DNM3: variants seen among roughly 807,000 people sequenced by gnomAD.
DNM3 encodes dynamin-3.
A neutral mutation model predicts 101.6 loss-of-function variants in DNM3; 47 were observed. The ratio of observed to expected loss-of-function variants is 0.46; its 90% confidence interval spans 0.37 to 0.59. The LOEUF (loss-of-function observed/expected upper bound fraction) is 0.59, where lower values mean the gene tolerates loss of function less well. Ranked by LOEUF, DNM3 falls within the 20% of genes least tolerant of loss-of-function variation. DNM3 has a pLI of 0.00. For missense variants in DNM3, 849 were observed against 1,085.7 expected (o/e 0.78, Z 3.06); for synonymous variants, 385 against 387.9 (o/e 0.99, Z 0.09).
intron 1 of DNM3, among the ~76,000 whole-genome samples, chr1:171,860,332 C>A (rs1014552033): frequency 3.3e-5 from 5 of 152,130 alleles, no homozygotes; most frequent in African/African-American, 1.2e-4. Context: ...TCAGGTATTT[C>A]TGATAAAAAT....
intron 15 of DNM3, among the ~76,000 whole-genome samples, chr1:172,265,144 G>A (rs2062810111): frequency 2.0e-5 from 3 of 151,876 alleles, no homozygotes; most frequent in Admixed American, 6.6e-5. Flanking sequence ...TTATTCCTAA[G>A]AGCTCATTCA....
chr1:172,398,270 C>T (rs16844368), intron 20 of DNM3, among the ~76,000 whole-genome samples: 2,523 of 152,268 alleles, frequency 0.017, 72 homozygotes, highest in African/African-American at 0.057. Context: ...ATGATCCCTA[C>T]GCCCAATTAT....
intron 14 of DNM3, among the ~76,000 whole-genome samples, chr1:172,245,013 G>T (rs10911371): frequency 0.013 from 1,916 of 152,212 alleles, 38 homozygotes; most frequent in African/African-American, 0.043. Context: ...TTTGATTATT[G>T]TATGAGTCAG....
chr1:171,916,748 G>C (rs1005453512), intron 1 of DNM3, among the ~76,000 whole-genome samples: 1 of 152,020 alleles, frequency 6.6e-6, no homozygotes, highest in African/African-American at 2.4e-5. Flanking sequence ...ACTCTATAGC[G>C]CCTTCCTGTT....
chr1:172,046,085 G>T (rs1308319486), intron 9 of DNM3, among the ~76,000 whole-genome samples: 2 of 152,098 alleles, frequency 1.3e-5, no homozygotes, highest in African/African-American at 4.8e-5. Context: ...AAATCACGCT[G>T]CTATAAAGAC....
At chr1:172,288,768 G>A (rs2063793064) in intron 15 of DNM3, among the ~76,000 whole-genome samples, 1 of 152,092 alleles carries the variant, frequency 6.6e-6, no homozygotes, top group African/African-American at 2.4e-5. Flanking sequence ...GGAACTTTAG[G>A]GGAAGAGAAG....
At chr1:172,048,877 T>A in intron 10 of DNM3, 127 bp downstream of exon 10, 7 of 1,203,296 alleles carry the variant, frequency 5.8e-6, no homozygotes, top group Non-Finnish European at 8.2e-6. Context: ...CTACAGGGAA[T>A]GGTTGTGGAA....
At chr1:172,138,107 T>G (rs1369294841) in intron 14 of DNM3, 3 of 152,120 alleles carry the variant, frequency 2.0e-5, no homozygotes, top group Non-Finnish European at 4.4e-5. Context: ...CAGTCATAAA[T>G]TTATGTATAC....
chr1:172,296,880 C>T (rs115329501), intron 15 of DNM3, among the ~76,000 whole-genome samples: 4 of 152,254 alleles, frequency 2.6e-5, no homozygotes, highest in Non-Finnish European at 4.4e-5. Flanking sequence ...CAGTGGCTCA[C>T]GCCTGTAATC....
At chr1:171,878,018 A>G (rs1228496302) in intron 1 of DNM3, among the ~76,000 whole-genome samples, 1 of 152,234 alleles carries the variant, frequency 6.6e-6, no homozygotes, top group Non-Finnish European at 1.5e-5. Flanking sequence ...GATTCTCAGC[A>G]CAGTCATTGT....
chr1:172,210,947 G>A (rs1445621487), intron 14 of DNM3, among the ~76,000 whole-genome samples: 1 of 152,014 alleles, frequency 6.6e-6, no homozygotes, highest in Non-Finnish European at 1.5e-5. Flanking sequence ...TACATCCAGC[G>A]ATTTCAGCCA....
chr1:172,007,355 T>C (rs1197949706), intron 4 of DNM3, among the ~76,000 whole-genome samples: 2 of 152,144 alleles, frequency 1.3e-5, no homozygotes, highest in Non-Finnish European at 2.9e-5. Context: ...TGAGGCAGCA[T>C]TGATGTGCAT....
At chr1:172,159,648 T>C (rs1156748170) in intron 14 of DNM3, among the ~76,000 whole-genome samples, 1 of 152,120 alleles carries the variant, frequency 6.6e-6, no homozygotes, top group African/African-American at 2.4e-5. Flanking sequence ...TTTGGCAATG[T>C]GTGTGCTCCC....
chr1:172,302,921 G>A (rs879896698), intron 15 of DNM3, among the ~76,000 whole-genome samples: 4 of 152,180 alleles, frequency 2.6e-5, no homozygotes, highest in Non-Finnish European at 5.9e-5. Context: ...CAAAGCTGGG[G>A]AGAAACCAGA....
chr1:172,411,035 T>A lies in DNM3; in HGVS notation c.*3194T>A, dbSNP rs2071174674. On this transcript the variant is annotated 3_prime_UTR_variant, in exon 21 of 21. Coordinates refer to ENST00000627582, the MANE Select transcript of DNM3 (RefSeq NM_015569.5). The stretch of plus-strand genomic sequence containing the variant: ...TGAGTAGGTAGGTAGGTTTTAAAAA[T>A]ACTAGTTAAAATGCCACAAGCATGA... 1 of 985,272 alleles carries A rather than the reference T, an allele frequency of 1.0e-6. No homozygotes were observed. The highest frequency in any genetic ancestry group is 5.2e-4 in the Middle Eastern group (1 of 1,914). 61.0% of individuals were successfully genotyped at this position (985,272 alleles called of 1,614,324 possible). A position where few individuals can be genotyped will look rare whatever the true frequency, so the allele number is the denominator to read the frequency against.
chr1:172,302,025 C>G (rs1172527409), intron 15 of DNM3, among the ~76,000 whole-genome samples: 1 of 152,158 alleles, frequency 6.6e-6, no homozygotes, highest in Non-Finnish European at 1.5e-5. Flanking sequence ...CTCACTGCGA[C>G]CAGTTGGACA....
chr1:171,967,156 G>C (rs1571872415), intron 2 of DNM3, among the ~76,000 whole-genome samples: 1 of 152,100 alleles, frequency 6.6e-6, no homozygotes, highest in African/African-American at 2.4e-5. Context: ...ACAGGCCTAA[G>C]AGGTAAAAAA....
intron 2 of DNM3, among the ~76,000 whole-genome samples, chr1:171,942,761 A>G (rs781607674): frequency 8.5e-5 from 13 of 152,252 alleles, no homozygotes; most frequent in Non-Finnish European, 1.6e-4. Flanking sequence ...GTCTTCCTGG[A>G]GCTGAAAGGG....
At chr1:172,323,467 G>T in intron 17 of DNM3, 127 bp downstream of exon 17, 1 of 1,146,154 alleles carries the variant, frequency 8.7e-7, no homozygotes, top group Non-Finnish European at 1.2e-6. Context: ...CGAATTATAT[G>T]GGGTGTGCAA....
Sources: allele counts gnomAD v4.1 joint callset (sites outside exome capture counted in the v4.1 genomes callset), GRCh38; gene constraint gnomAD v4.1.1; transcripts MANE v1.5; gene names NCBI Gene and HGNC (gene_info 2026-07-23, HGNC 2026-07-21).